The following LNPK variants were observed in gnomAD, a reference collection of about 807,000 sequenced individuals.
LNPK encodes endoplasmic reticulum junction formation protein lunapark.
LNPK carries 29 observed loss-of-function variants against 55.2 expected under a neutral mutation model. That is an observed-to-expected ratio of 0.53 (90% CI 0.39 to 0.72). The LOEUF is 0.72. Ranked by LOEUF, LNPK falls within the 30% of genes least tolerant of loss-of-function variation. The pLI is 0.00. For missense variants in LNPK, 467 were observed against 494.8 expected (o/e 0.94, Z 0.53); for synonymous variants, 162 against 168.2 (o/e 0.96, Z 0.29).
chr2:175,970,257 T>C (rs190629963), intron 6 of LNPK, among the ~76,000 whole-genome samples: 1 of 152,240 alleles, frequency 6.6e-6, no homozygotes, highest in African/African-American at 2.4e-5. Flanking sequence ...ACAATAGATA[T>C]CCATGTGATC....
chr2:175,944,199 A>C (rs1346620387), intron 9 of LNPK, among the ~76,000 whole-genome samples: 1 of 152,120 alleles, frequency 6.6e-6, no homozygotes, highest in Non-Finnish European at 1.5e-5. Context: ...ATGAAATTAG[A>C]TGTAAATTTA....
In LNPK at chr2:175,955,554, G is replaced by A. The variant is rs141645083; in HGVS notation, c.494-7862C>T. ...ATATACTAAACAATTGTAACAGTAT[G>A]AATTTGATACTTATGTAAAGAACAT... is the stretch of plus-strand genomic sequence containing the variant. On this transcript the variant is annotated intron_variant, in intron 8 of 12. Transcript: ENST00000272748. 1.0e-3 allele frequency among the ~76,000 whole-genome samples: 159 copies of A among 152,302 alleles called. 1 individual carries two copies. The highest frequency in any genetic ancestry group is 3.4e-3 in the African/African-American group (142 of 41,556).
At position 175,956,670 on chromosome 2, in the gene LNPK, T is replaced by C. The variant is rs540556341; in HGVS notation, c.493+7702A>G. On this transcript the variant is annotated intron_variant, in intron 8 of 12. Coordinates refer to ENST00000272748, the MANE Select transcript of LNPK (RefSeq NM_030650.3). Reference sequence around the variant, plus strand: ...ACAGGTCTTGGCCTACATTTGCAGGTTGCAGTTTGTGGATTCCTGTATTAA... The same window carrying C: ...ACAGGTCTTGGCCTACATTTGCAGGCTGCAGTTTGTGGATTCCTGTATTAA... Among the ~76,000 whole-genome samples the C allele has an allele frequency of 4.6e-5, 7 of 152,300 alleles. No homozygotes were observed. The South Asian group carries it at 1.5e-3, about 32-fold the overall frequency.
chr2:175,972,495 G>A (rs1686706329), intron 5 of LNPK, among the ~76,000 whole-genome samples: 1 of 151,954 alleles, frequency 6.6e-6, no homozygotes, highest in African/African-American at 2.4e-5. Context: ...TTCAGATTTG[G>A]GATGTTCAAC....
At chr2:175,957,577 T>C (rs1387617064) in intron 8 of LNPK, among the ~76,000 whole-genome samples, 6 of 151,950 alleles carry the variant, frequency 3.9e-5, no homozygotes, top group Non-Finnish European at 8.8e-5. Context: ...ACATGGATAC[T>C]ATTGCAGATC....
chr2:175,930,254 A>C (rs1400532701), intron 12 of LNPK, 55 bp from the exon 13 acceptor site: 1 of 1,376,056 alleles, frequency 7.3e-7, no homozygotes, highest in East Asian at 2.3e-5. Flanking sequence ...AAACTGCTAA[A>C]TAAGGCAAGC....
intron 12 of LNPK, chr2:175,935,766 T>C (rs1684514671): frequency 1.0e-6 from 1 of 974,408 alleles, no homozygotes; most frequent in African/African-American, 1.8e-5. Flanking sequence ...AGACAGAAAA[T>C]GAGACGTCTG....
At chr2:175,983,837 G>C (rs1228256451) in intron 4 of LNPK, among the ~76,000 whole-genome samples, 1 of 150,410 alleles carries the variant, frequency 6.6e-6, no homozygotes, top group African/African-American at 2.4e-5. Flanking sequence ...TCCAAAAAAC[G>C]TTGACTGAGC....
chr2:175,954,871 T>TAG (rs1373497258), intron 8 of LNPK, among the ~76,000 whole-genome samples: 1 of 152,194 alleles, frequency 6.6e-6, no homozygotes, highest in Non-Finnish European at 1.5e-5. Context: ...CAGAGTTGCA[T>TAG]ATAGAGGTAG....
At chr2:175,984,113 T>C (rs986402740) in intron 4 of LNPK, among the ~76,000 whole-genome samples, 1 of 151,140 alleles carries the variant, frequency 6.6e-6, no homozygotes, top group South Asian at 2.1e-4. Flanking sequence ...TGTTGGGAGA[T>C]GAAAAGACAA....
chr2:175,948,927 T>C (rs1685273625), intron 8 of LNPK, among the ~76,000 whole-genome samples: 1 of 152,140 alleles, frequency 6.6e-6, no homozygotes, highest in Non-Finnish European at 1.5e-5. Flanking sequence ...GTTACTTAAC[T>C]TTGATAAACC....
At chr2:175,996,017 T>C (rs923133914) in intron 1 of LNPK, among the ~76,000 whole-genome samples, 11 of 151,970 alleles carry the variant, frequency 7.2e-5, no homozygotes, top group Non-Finnish European at 1.5e-4. Flanking sequence ...TTTGCTATGT[T>C]GGCCAGGCTG....
In LNPK at chr2:175,928,243, T is replaced by C. The variant is rs867125539; in HGVS notation, c.*1724A>G. The stretch of plus-strand genomic sequence containing the variant: ...CCTCATCTGCAAGAGGAAAAACTTA[T>C]GGTCCTTGCATATTTTAAAGACATT... On this transcript the variant is annotated 3_prime_UTR_variant, in exon 13 of 13. Coordinates refer to ENST00000272748, the MANE Select transcript of LNPK (RefSeq NM_030650.3). 4.2e-4 allele frequency: 64 copies of C among 152,194 alleles called. 1 individual carries two copies. Among genetic ancestry groups the C allele is most frequent in the African/African-American group, 1.5e-3 (63 of 41,448 alleles). 9.4% of individuals were successfully genotyped at this position (152,194 alleles called of 1,614,324 possible).
intron 8 of LNPK, among the ~76,000 whole-genome samples, chr2:175,963,347 C>T (rs1686158186): frequency 6.6e-6 from 1 of 152,124 alleles, no homozygotes; most frequent in African/African-American, 2.4e-5. Flanking sequence ...AAATGTGGCA[C>T]ATATACACCA....
At chr2:175,937,569 AC>A in intron 11 of LNPK, 55 bp from the exon 12 acceptor site, 2 of 1,289,806 alleles carry the variant, frequency 1.6e-6, no homozygotes, top group Non-Finnish European at 2.2e-6. Context: ...AAGTTCAAGA[AC>A]TAATTAGTTA....
chr2:175,988,598 T>C (rs1687547937), intron 4 of LNPK, among the ~76,000 whole-genome samples: 1 of 152,038 alleles, frequency 6.6e-6, no homozygotes, highest in Admixed American at 6.5e-5. Flanking sequence ...TTTGTCAGCT[T>C]ATTTAACCAC....
intron 5 of LNPK, 52 bp from the exon 6 acceptor site, chr2:175,970,856 A>G: frequency 7.4e-7 from 1 of 1,352,086 alleles, no homozygotes; most frequent in Non-Finnish European, 9.9e-7. Context: ...ATAAGAAAAA[A>G]TCACGCCAAA....
At chr2:175,954,175 G>A (rs1392756783) in intron 8 of LNPK, among the ~76,000 whole-genome samples, 1 of 152,128 alleles carries the variant, frequency 6.6e-6, no homozygotes, top group Non-Finnish European at 1.5e-5. Context: ...TTAATCAAAA[G>A]CTAATAAGCA....
At position 175,979,684 on chromosome 2, in the gene LNPK, T is replaced by C. The variant is rs974486770; in HGVS notation, c.316+126A>G. On this transcript the variant is annotated intron_variant, in intron 5 of 12. Transcript: ENST00000272748. The stretch of plus-strand genomic sequence containing the variant: ...CATTTATAACCTTTCTCATGCTTTA[T>C]AATAAACAACTCTTCAATACTTAAC... 2.3e-5 allele frequency: 17 copies of C among 745,628 alleles called. No individual in the cohort carries two copies. In the African/African-American group the frequency reaches 2.7e-4, roughly 12 times the overall value. 46.2% of individuals were successfully genotyped at this position (745,628 alleles called of 1,614,324 possible). A position where few individuals can be genotyped will look rare whatever the true frequency, so the allele number is the denominator to read the frequency against.
Sources: gnomAD v4.1 joint callset for allele counts (sites outside exome capture counted in the v4.1 genomes callset) on GRCh38, gnomAD v4.1.1 for gene constraint, MANE v1.5 for transcripts, NCBI Gene and HGNC (gene_info 2026-07-23, HGNC 2026-07-21) for gene names.